FANCI: variants seen among roughly 807,000 people sequenced by gnomAD.
FANCI encodes the protein FA complementation group I, also known as Fanconi anemia group I protein.
A neutral mutation model predicts 176.1 loss-of-function variants in FANCI; 156 were observed. The observed-to-expected ratio is 0.89, with a 90% confidence interval of 0.78 to 1.01. FANCI has a LOEUF of 1.01. FANCI is among the 50% of genes least tolerant of loss of function. The pLI, the probability that FANCI is intolerant of heterozygous loss-of-function variation, is 0.00. For synonymous variants in FANCI, 613 were observed against 541.7 expected (o/e 1.13, Z -1.83); for missense variants, 1,678 against 1,534.1 (o/e 1.09, Z -1.57).
intron 34 of FANCI, chr15:89,307,942 G>C (rs1264063578): frequency 1.5e-6 from 2 of 1,334,096 alleles, no homozygotes; most frequent in African/African-American, 1.5e-5. Context: ...TCAGGCTCAA[G>C]GACTTGGTTT....
At chr15:89,299,737 CTG>C in intron 24 of FANCI, 61 bp from the exon 25 acceptor site, 1 of 1,544,822 alleles carries the variant, frequency 6.5e-7, no homozygotes, top group Non-Finnish European at 8.9e-7. Context: ...AAGAATTTTA[CTG>C]TTTGTTATTT....
rs917026602 is a variant in FANCI, at chr15:89,293,017, G to C, written c.2245G>C (p.Val749Leu). Residue 749 changes from valine (V) to leucine (L), a missense_variant, in exon 22 of 38, where the codon GTT becomes CTT. Around this residue, in one of 3 missense-constraint regions of FANCI, gnomAD observed 1,204 missense variants for 1,077.4 expected, o/e 1.12. Transcript: ENST00000310775. ...TATCTGTGCTTTTCTTGTGATGGGAGTTTGTGAGGTTTTAATAGAATACAA... is the reference window on the plus strand; with the variant it reads ...TATCTGTGCTTTTCTTGTGATGGGACTTTGTGAGGTTTTAATAGAATACAA... ...NNICAFLVMG[V>L]CEVLIEYNFS... is the part of the protein sequence containing the mutation. 6.2e-7 allele frequency: 1 copy of C among 1,613,864 alleles called. No individual in the cohort carries two copies. The highest frequency in any genetic ancestry group is 2.2e-5 in the East Asian group (1 of 44,872).
intron 34 of FANCI, among the ~76,000 whole-genome samples, chr15:89,311,053 C>T (rs1419248603): frequency 2.0e-5 from 3 of 151,504 alleles, no homozygotes; most frequent in Non-Finnish European, 4.4e-5. Context: ...GTCAGGAGTT[C>T]GAAACTAGCC....
chr15:89,311,583 G>A (rs117927730), intron 34 of FANCI, among the ~76,000 whole-genome samples: 2 of 152,134 alleles, frequency 1.3e-5, no homozygotes, highest in African/African-American at 2.4e-5. Context: ...AGGTCGATCC[G>A]TGACTGCTTC....
In FANCI at chr15:89,298,557, T is replaced by C. The variant is rs148703346; in HGVS notation, c.2637-1243T>C. Among the ~76,000 whole-genome samples, 781 of 151,308 alleles carry C rather than the reference T, an allele frequency of 5.2e-3. 27 individuals carry two copies. In the South Asian group the frequency reaches 0.073, roughly 14 times the overall value. ...CATATAAACTTCCACATTAAGAAAA[T>C]AGAAAAAGAAGAGCAAATTATAATG... On this transcript the variant is annotated intron_variant, in intron 24 of 37. Transcript: ENST00000310775.
intron 28 of FANCI, among the ~76,000 whole-genome samples, chr15:89,304,310 G>A (rs2054632560): frequency 6.6e-6 from 1 of 152,136 alleles, no homozygotes; most frequent in African/African-American, 2.4e-5. Flanking sequence ...TTCACACAGT[G>A]GAATCCTATA....
At chr15:89,254,467 G>A (rs1010795015) in intron 2 of FANCI, among the ~76,000 whole-genome samples, 1 of 151,920 alleles carries the variant, frequency 6.6e-6, no homozygotes, top group Non-Finnish European at 1.5e-5. Flanking sequence ...GCCAAATCTG[G>A]GACTATTTGA....
intron 22 of FANCI, 111 bp from the exon 23 acceptor site, chr15:89,293,721 GT>G: frequency 9.5e-7 from 1 of 1,052,438 alleles, no homozygotes; most frequent in Non-Finnish European, 1.5e-6. Context: ...CATTTATAAT[GT>G]TACGTCTAAA....
At chr15:89,304,818 C>T (rs1470591518) in intron 28 of FANCI, among the ~76,000 whole-genome samples, 1 of 152,014 alleles carries the variant, frequency 6.6e-6, no homozygotes, top group Non-Finnish European at 1.5e-5. Context: ...CTCTTGTTGC[C>T]CAGGCAGGAA....
Position 89,293,672 on chromosome 15 carries a change from T to C in FANCI, c.2292-161T>C, listed in dbSNP as rs573202410. Among the ~76,000 whole-genome samples, 69 of 152,272 alleles carry C rather than the reference T, an allele frequency of 4.5e-4. 1 individual carries two copies. The highest frequency in any genetic ancestry group is 1.6e-3 in the Admixed American group (24 of 15,290). ...CAGGGGAAACAAAACCCAGATAGAT[T>C]GCTGTGACCTGGGAGTATTATATTA... On this transcript the variant is annotated intron_variant, in intron 22 of 37. Transcript: ENST00000310775.
chr15:89,246,804 C>G (rs978125881), intron 1 of FANCI, among the ~76,000 whole-genome samples: 3 of 127,236 alleles, frequency 2.4e-5, no homozygotes, highest in African/African-American at 8.9e-5. Context: ...CTCGCTCTGT[C>G]GCCCAGGCTG....
At position 89,312,905 on chromosome 15, in the gene FANCI, A is replaced by AT; in HGVS notation, c.3654dup (p.Lys1219Ter). 1 of 1,612,860 alleles carries AT rather than the reference A, an allele frequency of 6.2e-7. No individual in the cohort carries two copies. The highest frequency in any genetic ancestry group is 8.5e-7 in the Non-Finnish European group (1 of 1,178,912). ...GAGAATGTGTTTCTATTTCTTTAGA[A>AT]TAAGAGTAAGAGCCTGAACTATACG... On this transcript the variant is annotated frameshift_variant and splice_region_variant, in exon 35 of 38. Transcript: ENST00000310775. LOFTEE classifies it high-confidence loss of function.
At chr15:89,262,228 T>C (rs1030933194) in intron 6 of FANCI, among the ~76,000 whole-genome samples, 5 of 152,136 alleles carry the variant, frequency 3.3e-5, no homozygotes, top group African/African-American at 1.2e-4. Flanking sequence ...ACCCTGCTGC[T>C]GCATCTTTTC....
chr15:89,255,765 G>A (rs1172038586), intron 2 of FANCI, among the ~76,000 whole-genome samples: 1 of 152,172 alleles, frequency 6.6e-6, no homozygotes, highest in African/African-American at 2.4e-5. Context: ...AATCTTACTT[G>A]CTCTATTTCT....
At position 89,285,090 on chromosome 15, in the gene FANCI, T is replaced by C. The variant is rs752284971; in HGVS notation, c.1699-6T>C. ...ATAGACGTGAATTGGCCTGTCTTCC[T>C]TTCAGGTTCATGTGGATGTTCACAG... On this transcript the variant is annotated splice_region_variant and splice_polypyrimidine_tract_variant and intron_variant, in intron 17 of 37. Coordinates refer to ENST00000310775, the MANE Select transcript of FANCI (RefSeq NM_001113378.2). The C allele has an allele frequency of 6.2e-7, 1 of 1,613,996 alleles. No homozygotes were observed. Among genetic ancestry groups the C allele is most frequent in the African/African-American group, 1.3e-5 (1 of 75,036 alleles).
chr15:89,300,894 C>G (rs569283041), intron 26 of FANCI, among the ~76,000 whole-genome samples: 1 of 152,332 alleles, frequency 6.6e-6, no homozygotes, highest in South Asian at 2.1e-4. Flanking sequence ...CAAAATATTC[C>G]TATCCTTATG....
In FANCI at chr15:89,285,076, T is replaced by G. The variant is rs770951736; in HGVS notation, c.1699-20T>G. On this transcript the variant is annotated intron_variant, in intron 17 of 37. Transcript: ENST00000310775. The stretch of plus-strand genomic sequence containing the variant: ...ACAGCTTTGGTAAGATAGACGTGAA[T>G]TGGCCTGTCTTCCTTTCAGGTTCAT... The G allele has an allele frequency of 1.9e-6, 3 of 1,613,878 alleles. No individual in the cohort carries two copies. The Admixed American group carries it at 5.0e-5, about 27-fold the overall frequency.
intron 14 of FANCI, among the ~76,000 whole-genome samples, chr15:89,279,553 T>G (rs1236897996): frequency 6.6e-6 from 1 of 152,230 alleles, no homozygotes; most frequent in Non-Finnish European, 1.5e-5. Flanking sequence ...CATCACTGTT[T>G]ATAACTCCCC....
At chr15:89,245,722 A>G (rs547975785) in intron 1 of FANCI, 1 of 152,374 alleles carries the variant, frequency 6.6e-6, no homozygotes, top group East Asian at 1.9e-4. Context: ...GGCATGGGTC[A>G]GAACTTGCAG....
Sources: allele counts gnomAD v4.1 joint callset (sites outside exome capture counted in the v4.1 genomes callset), GRCh38; gene constraint gnomAD v4.1.1; regional missense constraint gnomAD v4.1.1; transcripts MANE v1.5; gene names NCBI Gene and HGNC (gene_info 2026-07-23, HGNC 2026-07-21).